ATG5: variants seen among roughly 807,000 people sequenced by gnomAD.
ATG5 encodes autophagy protein 5.
In ATG5, 14 loss-of-function variants were observed where a neutral mutation model predicts 36.5. The observed-to-expected ratio is 0.38, with a 90% CI of 0.25 to 0.60. ATG5 has a LOEUF of 0.60. ATG5 is among the 20% of genes least tolerant of loss of function. ATG5 has a pLI of 0.60. For missense variants in ATG5, 195 were observed against 326.7 expected, an observed-to-expected ratio of 0.60 and a Z score of 3.11; for synonymous variants, 95 against 101.5, an observed-to-expected ratio of 0.94 and a Z score of 0.38.
chr6:106,277,895 T>C (rs1437009211), intron 5 of ATG5, among the ~76,000 whole-genome samples: 1 of 152,240 alleles, frequency 6.6e-6, no homozygotes, highest in African/African-American at 2.4e-5. Flanking sequence ...ATTTAGTACT[T>C]ATAATTTAAC....
At position 106,186,043 on chromosome 6, in the gene ATG5, G is replaced by A. The variant is rs912225521; in HGVS notation, c.*497C>T. The A allele has an allele frequency of 6.5e-6, 1 of 153,496 alleles. No individual in the cohort carries two copies. Among genetic ancestry groups the A allele is most frequent in the East Asian group, 1.9e-4 (1 of 5,368 alleles). 9.5% of individuals were successfully genotyped at this position (153,496 alleles called of 1,614,324 possible). On this transcript the variant is annotated 3_prime_UTR_variant, in exon 8 of 8. Transcript: ENST00000369076. ...GGAAATTTTCGTTAAGGAAAGATGGGTTTACTGTAATTCAATCTTTTACAA... is the reference window on the plus strand; with the variant it reads ...GGAAATTTTCGTTAAGGAAAGATGGATTTACTGTAATTCAATCTTTTACAA...
At chr6:106,212,449 T>C (rs972986259) in intron 6 of ATG5, among the ~76,000 whole-genome samples, 3 of 152,212 alleles carry the variant, frequency 2.0e-5, no homozygotes, top group African/African-American at 7.2e-5. Flanking sequence ...GAGATCAGCC[T>C]GGCCAATATG....
intron 6 of ATG5, among the ~76,000 whole-genome samples, chr6:106,205,287 G>T (rs1267860561): frequency 6.6e-6 from 1 of 152,162 alleles, no homozygotes. Flanking sequence ...AAAGTCAGAA[G>T]GTACCTCCCG....
intron 7 of ATG5, among the ~76,000 whole-genome samples, chr6:106,194,733 C>T (rs2114326646): frequency 6.6e-6 from 1 of 152,202 alleles, no homozygotes; most frequent in Non-Finnish European, 1.5e-5. Flanking sequence ...GACGGGGTTT[C>T]ACCATGTTGG....
intron 6 of ATG5, among the ~76,000 whole-genome samples, chr6:106,246,774 CAAGT>C (rs1417581803): frequency 6.6e-6 from 1 of 152,152 alleles, no homozygotes; most frequent in African/African-American, 2.4e-5. Context: ...CTAAATTATA[CAAGT>C]AAGATATTTT....
intron 3 of ATG5, among the ~76,000 whole-genome samples, chr6:106,307,533 C>T (rs891260637): frequency 7.6e-6 from 1 of 131,760 alleles, no homozygotes; most frequent in Non-Finnish European, 1.6e-5. Context: ...GATTTCAATA[C>T]CCTTTTTTTT....
chr6:106,245,524 A>C (rs1778295328), intron 6 of ATG5, among the ~76,000 whole-genome samples: 1 of 152,200 alleles, frequency 6.6e-6, no homozygotes, highest in Admixed American at 6.6e-5. Flanking sequence ...CCCTAGCCTC[A>C]GTTTCCTCAC....
At chr6:106,192,060 C>T (rs1301897317) in intron 7 of ATG5, among the ~76,000 whole-genome samples, 1 of 151,956 alleles carries the variant, frequency 6.6e-6, no homozygotes, top group Non-Finnish European at 1.5e-5. Flanking sequence ...GATGATTATG[C>T]AAATTAAATG....
chr6:106,228,961 C>A (rs900542197), intron 6 of ATG5, among the ~76,000 whole-genome samples: 3 of 152,126 alleles, frequency 2.0e-5, no homozygotes, highest in African/African-American at 7.2e-5. Flanking sequence ...CCCGAACTCC[C>A]GGCATTAGCC....
chr6:106,233,909 G>A (rs1777786580), intron 6 of ATG5, among the ~76,000 whole-genome samples: 1 of 151,958 alleles, frequency 6.6e-6, no homozygotes, highest in South Asian at 2.1e-4. Flanking sequence ...CAGAAATATT[G>A]ATGCCCCATC....
At chr6:106,207,048 T>C (rs1776662741) in intron 6 of ATG5, among the ~76,000 whole-genome samples, 1 of 152,180 alleles carries the variant, frequency 6.6e-6, no homozygotes, top group African/African-American at 2.4e-5. Flanking sequence ...TATTTGTAAA[T>C]ATGCAAAGTA....
intron 7 of ATG5, among the ~76,000 whole-genome samples, chr6:106,191,372 T>C (rs1278793919): frequency 6.6e-6 from 1 of 152,136 alleles, no homozygotes; most frequent in Non-Finnish European, 1.5e-5. Flanking sequence ...TAACCCATGA[T>C]AGCTTCTCAT....
In ATG5 at chr6:106,185,298, C is replaced by T. The variant is rs1009357709; in HGVS notation, c.*1242G>A. 2.0e-5 allele frequency: 3 copies of T among 152,712 alleles called. No individual in the cohort carries two copies. Among genetic ancestry groups the T allele is most frequent in the South Asian group, 2.1e-4 (1 of 4,832 alleles). The allele number at this position is 152,712 out of a possible 1,614,324, so 9.5% of individuals were successfully genotyped here. On this transcript the variant is annotated 3_prime_UTR_variant, in exon 8 of 8. Transcript: ENST00000369076. ...TTATTATGGGATCTAAAACCATGATCGTGTCTGATACTGTAAGCCTTTTAG... is the reference window on the plus strand; with the variant it reads ...TTATTATGGGATCTAAAACCATGATTGTGTCTGATACTGTAAGCCTTTTAG...
chr6:106,257,753 A>G (rs1201927665), intron 5 of ATG5, among the ~76,000 whole-genome samples: 3 of 152,214 alleles, frequency 2.0e-5, no homozygotes, highest in Non-Finnish European at 2.9e-5. Flanking sequence ...AAATCTACCT[A>G]ATCTGTACAT....
At chr6:106,308,550 TA>T in intron 2 of ATG5, 59 bp from the exon 3 acceptor site, 1 of 1,303,540 alleles carries the variant, frequency 7.7e-7, no homozygotes, top group South Asian at 1.7e-5. Flanking sequence ...TAAAAAATAC[TA>T]AGTAGGTTTT....
chr6:106,309,562 T>C (rs1270019982), intron 2 of ATG5, among the ~76,000 whole-genome samples: 2 of 152,154 alleles, frequency 1.3e-5, no homozygotes, highest in African/African-American at 4.8e-5. Context: ...GAAATAACTG[T>C]GATTAGTGAA....
chr6:106,202,898 G>C (rs1452449549), intron 6 of ATG5, among the ~76,000 whole-genome samples: 1 of 152,130 alleles, frequency 6.6e-6, no homozygotes, highest in Non-Finnish European at 1.5e-5. Context: ...CCTGAGCTCA[G>C]GCAATCTGCC....
At chr6:106,264,149 A>C (rs547594032) in intron 5 of ATG5, among the ~76,000 whole-genome samples, 4 of 152,286 alleles carry the variant, frequency 2.6e-5, no homozygotes, top group African/African-American at 9.6e-5. Flanking sequence ...GAGGAACACA[A>C]ATGACCTGAT....
At chr6:106,289,029 C>T (rs1780198861) in intron 4 of ATG5, among the ~76,000 whole-genome samples, 1 of 151,964 alleles carries the variant, frequency 6.6e-6, no homozygotes, top group African/African-American at 2.4e-5. Context: ...CCTTTGAAAA[C>T]AATTGTAAAA....
Sources: allele counts gnomAD v4.1 joint callset (sites outside exome capture counted in the v4.1 genomes callset), GRCh38; gene constraint gnomAD v4.1.1; transcripts MANE v1.5; gene names NCBI Gene and HGNC (gene_info 2026-07-23, HGNC 2026-07-21).